The following RBFOX1 variants were observed in gnomAD, a reference collection of about 807,000 sequenced individuals.
The protein encoded by RBFOX1 is RNA binding fox-1 homolog 1, also known as RNA binding protein fox-1 homolog 1.
In RBFOX1, 8 loss-of-function variants were observed where a neutral mutation model predicts 57.7. That is an observed-to-expected ratio of 0.14 (90% confidence interval 0.08 to 0.25). The LOEUF (loss-of-function observed/expected upper bound fraction) is 0.25. Among genes scored for constraint, RBFOX1 ranks in the 10% least tolerant of loss-of-function variants. The pLI is 1.00. For missense variants in RBFOX1, 611 were observed against 548.5 expected, an observed-to-expected ratio of 1.11 and a Z score of -1.14; for synonymous variants, 326 against 222.4, an observed-to-expected ratio of 1.47 and a Z score of -4.15.
At position 5,926,046 on chromosome 16, in the gene RBFOX1, A is replaced by G. The variant is rs202236652; in HGVS notation, c.351+58711A>G. Among the ~76,000 whole-genome samples, 84 of 152,294 alleles carry G rather than the reference A, an allele frequency of 5.5e-4. 3 individuals are homozygous for G. In the East Asian group the frequency reaches 0.015, roughly 27 times the overall value. On this transcript the variant is annotated intron_variant, in intron 4 of 19. Coordinates refer to the RBFOX1 transcript ENST00000641259. ...GAGGGTTCCCTTGCTCACTTGGGTG[A>G]TGTTCTGACTGTTAGCTGGGAGTTG... is the stretch of plus-strand genomic sequence containing the variant.
At chr16:5,825,854 A>G (rs1280922831) in intron 3 of RBFOX1, among the ~76,000 whole-genome samples, 1 of 131,770 alleles carries the variant, frequency 7.6e-6, no homozygotes, top group African/African-American at 2.7e-5. Context: ...AATATTCCGT[A>G]ATATGAATAA....
At chr16:6,915,854 C>T (rs1372095105) in intron 3 of RBFOX1, among the ~76,000 whole-genome samples, 2 of 152,116 alleles carry the variant, frequency 1.3e-5, no homozygotes, top group African/African-American at 4.8e-5. Flanking sequence ...GCCCAGCCTT[C>T]ATTCCTTTTT....
intron 2 of RBFOX1, among the ~76,000 whole-genome samples, chr16:6,317,565 C>T (rs1160142117): frequency 2.0e-5 from 3 of 152,072 alleles, no homozygotes; most frequent in African/African-American, 7.2e-5. Flanking sequence ...AAATTTTTTA[C>T]TTTAAGATGC....
chr16:6,888,626 C>T (rs2064700260), intron 3 of RBFOX1, among the ~76,000 whole-genome samples: 1 of 152,104 alleles, frequency 6.6e-6, no homozygotes, highest in Admixed American at 6.6e-5. Flanking sequence ...GTTCATCAGG[C>T]TGTTCCTTGC....
intron 4 of RBFOX1, chr16:7,510,277 T>C (rs1323971230): frequency 4.1e-6 from 4 of 985,868 alleles, no homozygotes; most frequent in Middle Eastern, 5.2e-4. Context: ...AGCTGCTAAG[T>C]TTATGGAGGA....
At chr16:7,061,022 C>CTGTGTG (rs112453963) in intron 4 of RBFOX1, among the ~76,000 whole-genome samples, 76,741 of 150,420 alleles carry the variant, frequency 0.51, 21,150 homozygotes, top group South Asian at 0.75. Context: ...GTATGTTCTC[C>CTGTGTG]TGTGTGTGTG....
intron 1 of RBFOX1, among the ~76,000 whole-genome samples, chr16:6,300,031 C>G (rs1418196565): frequency 2.0e-5 from 3 of 152,160 alleles, no homozygotes; most frequent in Admixed American, 2.0e-4. Context: ...GACATTCTGT[C>G]ATTTGTGACA....
chr16:5,886,891 C>G (rs754159977), intron 4 of RBFOX1, among the ~76,000 whole-genome samples: 1 of 152,286 alleles, frequency 6.6e-6, no homozygotes. Context: ...CTGTCTCAAA[C>G]AAACAAATCA....
intron 1 of RBFOX1, among the ~76,000 whole-genome samples, chr16:5,298,572 T>C (rs1366207700): frequency 1.3e-3 from 6 of 4,478 alleles, no homozygotes; most frequent in African/African-American, 4.5e-3. Flanking sequence ...CCTCCCCTCC[T>C]TTCCCCTCCC....
chr16:5,304,980 T>C (rs2063898360), intron 1 of RBFOX1, among the ~76,000 whole-genome samples: 1 of 152,232 alleles, frequency 6.6e-6, no homozygotes, highest in African/African-American at 2.4e-5. Context: ...TGTTTTTCAG[T>C]TCCTTGTCTT....
At chr16:5,337,988 G>C in intron 1 of RBFOX1, among the ~76,000 whole-genome samples, 1 of 152,150 alleles carries the variant, frequency 6.6e-6, no homozygotes, top group East Asian at 1.9e-4. Context: ...AGGCTGCAGT[G>C]AACTATGATT....
intron 3 of RBFOX1, among the ~76,000 whole-genome samples, chr16:6,722,284 A>G (rs1402827681): frequency 6.6e-6 from 1 of 151,950 alleles, no homozygotes; most frequent in Non-Finnish European, 1.5e-5. Context: ...AAGAGTTTCC[A>G]CTTCTCCACA....
chr16:6,287,074 A>T (rs529406308), intron 1 of RBFOX1, among the ~76,000 whole-genome samples: 48 of 152,244 alleles, frequency 3.2e-4, no homozygotes, highest in South Asian at 1.7e-3. Context: ...TGATAAGGGA[A>T]CAGCATAGTT....
At chr16:6,558,892 C>A (rs2097141323) in intron 2 of RBFOX1, among the ~76,000 whole-genome samples, 1 of 151,528 alleles carries the variant, frequency 6.6e-6, no homozygotes, top group African/African-American at 2.4e-5. Context: ...GCATTCTGCT[C>A]CCTCTGTCTG....
chr16:6,691,429 C>T (rs2060192165), intron 3 of RBFOX1, among the ~76,000 whole-genome samples: 1 of 152,044 alleles, frequency 6.6e-6, no homozygotes, highest in Non-Finnish European at 1.5e-5. Flanking sequence ...TATTAATTCT[C>T]CTTCCTCAGT....
At chr16:5,310,402 A>G (rs986224244) in intron 1 of RBFOX1, among the ~76,000 whole-genome samples, 2 of 150,208 alleles carry the variant, frequency 1.3e-5, no homozygotes, top group Non-Finnish European at 3.0e-5. Flanking sequence ...CTCTGTCTCA[A>G]AAAAAAAAAG....
At chr16:7,296,840 T>C (rs186020155) in intron 4 of RBFOX1, among the ~76,000 whole-genome samples, 2 of 152,276 alleles carry the variant, frequency 1.3e-5, no homozygotes, top group Admixed American at 1.3e-4. Flanking sequence ...ATTCCTCTAC[T>C]TGGAGGAATA....
At chr16:7,004,338 T>C (rs1054173101) in intron 3 of RBFOX1, among the ~76,000 whole-genome samples, 2 of 152,162 alleles carry the variant, frequency 1.3e-5, no homozygotes, top group Non-Finnish European at 2.9e-5. Context: ...ATTAAACTCC[T>C]CAACATCAGG....
intron 4 of RBFOX1, among the ~76,000 whole-genome samples, chr16:7,242,867 G>C (rs1404121828): frequency 1.3e-5 from 2 of 152,152 alleles, no homozygotes; most frequent in South Asian, 4.1e-4. Context: ...GAGAGATATG[G>C]AGTCTGCGGA....
Sources: gnomAD v4.1 joint callset for allele counts (sites outside exome capture counted in the v4.1 genomes callset) on GRCh38, gnomAD v4.1.1 for gene constraint, MANE v1.5 for transcripts, NCBI Gene and HGNC (gene_info 2026-07-23, HGNC 2026-07-21) for gene names.